DIAPH2: variants seen among roughly 807,000 people sequenced by gnomAD.
The protein encoded by DIAPH2 is diaphanous related formin 2, also known as protein diaphanous homolog 2.
A neutral mutation model predicts 92.7 loss-of-function variants in DIAPH2; 35 were observed. The ratio of observed to expected loss-of-function variants is 0.38; its 90% confidence interval spans 0.29 to 0.50. The LOEUF is 0.50. Ranked by LOEUF, DIAPH2 falls within the 20% of genes least tolerant of loss-of-function variation. The pLI is 0.94. For missense variants in DIAPH2, 701 were observed against 819.5 expected (o/e 0.86, Z 1.77); for synonymous variants, 301 against 280.4 (o/e 1.07, Z -0.73).
chrX:96,832,767 G>A (rs993511616), intron 4 of DIAPH2, among the ~76,000 whole-genome samples: 1 of 111,597 alleles, frequency 9.0e-6, no homozygotes, highest in South Asian at 3.7e-4. Flanking sequence ...TTTCATAAAA[G>A]TTGCTGTTGG....
chrX:97,137,389 C>CT (rs2067180699), intron 21 of DIAPH2, among the ~76,000 whole-genome samples: 1 of 102,829 alleles, frequency 9.7e-6, no homozygotes, highest in South Asian at 4.6e-4. Flanking sequence ...CATTTATTGA[C>CT]TATCTAGTAT....
intron 22 of DIAPH2, among the ~76,000 whole-genome samples, chrX:97,228,326 A>T (rs181782239): frequency 8.9e-6 from 1 of 111,789 alleles, no homozygotes; most frequent in African/African-American, 3.3e-5. Flanking sequence ...CTGCAAATAC[A>T]TGAGGCCCTG....
At chrX:97,010,476 G>A (rs975237826) in intron 17 of DIAPH2, among the ~76,000 whole-genome samples, 2 of 111,592 alleles carry the variant, frequency 1.8e-5, no homozygotes, top group Non-Finnish European at 3.8e-5. Flanking sequence ...TCATGAAGGT[G>A]ATTTTTGTGT....
At chrX:97,249,172 A>G (rs969700523) in intron 23 of DIAPH2, among the ~76,000 whole-genome samples, 1 of 107,649 alleles carries the variant, frequency 9.3e-6, no homozygotes, top group Non-Finnish European at 1.9e-5. Flanking sequence ...TTAATTCCTT[A>G]TCCCCTTTTT....
chrX:97,117,235 G>A (rs980640228), intron 21 of DIAPH2, among the ~76,000 whole-genome samples: 3 of 111,293 alleles, frequency 2.7e-5, no homozygotes, highest in African/African-American at 9.8e-5. Context: ...TTCGAAGGAT[G>A]TTCCTGGAAT....
chrX:96,985,302 GTCTC>G (rs942659824), intron 17 of DIAPH2, among the ~76,000 whole-genome samples: 2 of 110,699 alleles, frequency 1.8e-5, no homozygotes, highest in African/African-American at 6.6e-5. Context: ...CCACATTTCT[GTCTC>G]TCTGAGTTGC....
At chrX:97,366,868 CAT>C (rs1366854472) in intron 24 of DIAPH2, among the ~76,000 whole-genome samples, 4 of 111,365 alleles carry the variant, frequency 3.6e-5, no homozygotes, top group Non-Finnish European at 7.5e-5. Context: ...ATTATAGTGT[CAT>C]ATTTTATTTT....
At chrX:97,446,436 C>T (rs181822015) in intron 26 of DIAPH2, among the ~76,000 whole-genome samples, 3 of 111,815 alleles carry the variant, frequency 2.7e-5, no homozygotes, top group South Asian at 3.7e-4. Flanking sequence ...CTTACTAAAA[C>T]AGGTCATACT....
At chrX:97,410,101 G>A (rs1281683279) in intron 25 of DIAPH2, among the ~76,000 whole-genome samples, 1 of 112,176 alleles carries the variant, frequency 8.9e-6, no homozygotes, top group Admixed American at 9.4e-5. Flanking sequence ...GCCTAACTGG[G>A]AGACACCTCC....
intron 26 of DIAPH2, among the ~76,000 whole-genome samples, chrX:97,512,379 G>A (rs1244437199): frequency 4.9e-4 from 55 of 112,165 alleles, no homozygotes; most frequent in African/African-American, 7.1e-4. Context: ...TTTTTATTGC[G>A]TCTATTTGAT....
chrX:97,415,788 C>T (rs1310491839), intron 25 of DIAPH2, among the ~76,000 whole-genome samples: 4 of 110,418 alleles, frequency 3.6e-5, no homozygotes, highest in Non-Finnish European at 7.6e-5. Flanking sequence ...ACCAACATGG[C>T]ACATGTATAC....
intron 17 of DIAPH2, among the ~76,000 whole-genome samples, chrX:97,066,529 AG>A (rs1382607065): frequency 2.7e-5 from 3 of 111,941 alleles, no homozygotes; most frequent in Non-Finnish European, 5.6e-5. Context: ...ACAAGATGTA[AG>A]TGTACTACTT....
chrX:97,509,010 A>AAGTTAGTT lies in DIAPH2; in HGVS notation c.3241+79270_3241+79271insGTTAGTTA, dbSNP rs71933357. ...CCGACTACCAAGAGAAAAGCATACA[A>AAGTTAGTT]AGTTATTTATTTATTTATTTATTTA... On this transcript the variant is annotated intron_variant, in intron 26 of 26. Coordinates refer to ENST00000324765, the MANE Select transcript of DIAPH2 (RefSeq NM_006729.5). 2.2e-4 allele frequency among the ~76,000 whole-genome samples: 14 copies of AAGTTAGTT among 64,770 alleles called. 1 individual carries two copies. In the East Asian group the frequency reaches 5.7e-3, roughly 26 times the overall value. 56.2% of individuals were successfully genotyped at this position (64,770 alleles called of 115,157 possible).
intron 25 of DIAPH2, among the ~76,000 whole-genome samples, chrX:97,415,784 A>G (rs1326223145): frequency 2.7e-5 from 3 of 110,736 alleles, no homozygotes; most frequent in South Asian, 3.9e-4. Context: ...GCAAACCAAC[A>G]TGGCACATGT....
At chrX:97,392,890 C>G (rs1181884235) in intron 25 of DIAPH2, among the ~76,000 whole-genome samples, 1 of 111,342 alleles carries the variant, frequency 9.0e-6, no homozygotes, top group Non-Finnish European at 1.9e-5. Context: ...GGCCTATTAC[C>G]AGTCCCTGAT....
At chrX:96,768,893 T>C (rs749167654) in intron 4 of DIAPH2, among the ~76,000 whole-genome samples, 1 of 111,443 alleles carries the variant, frequency 9.0e-6, no homozygotes, top group Admixed American at 9.6e-5. Flanking sequence ...TTAGGAGAGA[T>C]ATTTTGAAGA....
intron 22 of DIAPH2, among the ~76,000 whole-genome samples, chrX:97,152,588 C>T (rs1447368564): frequency 3.8e-5 from 4 of 106,413 alleles, no homozygotes; most frequent in South Asian, 8.6e-4. Context: ...CATCCCATGG[C>T]GGAAGGGTGG....
intron 26 of DIAPH2, among the ~76,000 whole-genome samples, chrX:97,526,646 T>C (rs1336634035): frequency 9.0e-6 from 1 of 111,338 alleles, no homozygotes; most frequent in African/African-American, 3.3e-5. Flanking sequence ...GTCACCTAAG[T>C]TCAAACTCTG....
intron 1 of DIAPH2, among the ~76,000 whole-genome samples, chrX:96,692,211 T>C (rs2063801466): frequency 8.9e-6 from 1 of 112,138 alleles, no homozygotes; most frequent in Non-Finnish European, 1.9e-5. Flanking sequence ...ATAAGTTATC[T>C]ACATTTTGCA....
Sources: allele counts gnomAD v4.1 joint callset (sites outside exome capture counted in the v4.1 genomes callset), GRCh38; gene constraint gnomAD v4.1.1; transcripts MANE v1.5; gene names NCBI Gene and HGNC (gene_info 2026-07-23, HGNC 2026-07-21).